The following INSYN2B variants were observed in gnomAD, a reference collection of about 807,000 sequenced individuals.
INSYN2B encodes inhibitory synaptic factor family member 2B, also known as protein INSYN2B.
Under a neutral mutation model 41.2 loss-of-function variants are expected in INSYN2B, and 16 were observed. The ratio of observed to expected loss-of-function variants is 0.39; its 90% confidence interval spans 0.26 to 0.59. INSYN2B has a LOEUF of 0.59. INSYN2B is among the 20% of genes least tolerant of loss of function. The pLI, the probability that INSYN2B is intolerant of heterozygous loss-of-function variation, is 0.57. For missense variants in INSYN2B, 608 were observed against 646.4 expected (o/e 0.94, Z 0.64); for synonymous variants, 245 against 244.4 (o/e 1.00, Z -0.02).
intron 1 of INSYN2B, among the ~76,000 whole-genome samples, chr5:169,885,105 A>G (rs1772897337): frequency 6.6e-6 from 1 of 152,144 alleles, no homozygotes; most frequent in South Asian, 2.1e-4. Flanking sequence ...CAGCCTTTAC[A>G]ATGTCTCCCT....
rs1298829108 is a variant in INSYN2B, at chr5:169,862,009, G to C, written c.*2264C>G. The stretch of plus-strand genomic sequence containing the variant: ...TCCCAGTTTTATTTAATTCAGTTAA[G>C]GGTTCATGTGAGGGCCTCAACTGGA... On this transcript the variant is annotated 3_prime_UTR_variant, in exon 4 of 4. Transcript: ENST00000377365. Among the ~76,000 whole-genome samples the C allele has an allele frequency of 2.0e-5, 3 of 151,362 alleles. No individual in the cohort carries two copies. Among genetic ancestry groups the C allele is most frequent in the Admixed American group, 6.6e-5 (1 of 15,152 alleles).
rs1374041202 is a variant in INSYN2B at position 169,863,052 on chromosome 5, A to G, written c.*1221T>C. Among the ~76,000 whole-genome samples, 1 of 152,246 alleles carries G rather than the reference A, an allele frequency of 6.6e-6. No individual in the cohort carries two copies. Among genetic ancestry groups the G allele is most frequent in the Non-Finnish European group, 1.5e-5 (1 of 68,040 alleles). On this transcript the variant is annotated 3_prime_UTR_variant, in exon 4 of 4. Coordinates refer to ENST00000377365, the MANE Select transcript of INSYN2B (RefSeq NM_001129891.3). Reference sequence around the variant, plus strand: ...CTACCCCTCATCCACAAGAGTATATAGCAATTACTTAATTATATTACTTTA... The same window carrying G: ...CTACCCCTCATCCACAAGAGTATATGGCAATTACTTAATTATATTACTTTA...
At chr5:169,903,006 G>A (rs1216637037) in intron 1 of INSYN2B, among the ~76,000 whole-genome samples, 1 of 152,086 alleles carries the variant, frequency 6.6e-6, no homozygotes. Context: ...GCTGAGGCAG[G>A]AGAATCGCTT....
intron 1 of INSYN2B, among the ~76,000 whole-genome samples, chr5:169,946,633 A>G (rs1331848749): frequency 1.3e-5 from 2 of 152,172 alleles, no homozygotes; most frequent in Non-Finnish European, 2.9e-5. Flanking sequence ...TGTATCAGCC[A>G]CTGTTTCAAG....
At chr5:169,913,923 A>G (rs1774741078) in intron 1 of INSYN2B, among the ~76,000 whole-genome samples, 1 of 152,236 alleles carries the variant, frequency 6.6e-6, no homozygotes, top group Non-Finnish European at 1.5e-5. Context: ...GATGATAAAG[A>G]AAATGAGATT....
At chr5:169,958,668 G>A (rs1776960852) in intron 1 of INSYN2B, among the ~76,000 whole-genome samples, 1 of 151,958 alleles carries the variant, frequency 6.6e-6, no homozygotes, top group Non-Finnish European at 1.5e-5. Flanking sequence ...TTGAGTGTTA[G>A]GCGTGGAGCT....
rs70979150 is a variant in INSYN2B, at chr5:169,961,978, C to CAAAAAA, written c.-919+18293_-919+18298dup. ...TGGGTGAAAAAGTGAGACTCTGTCC[C>CAAAAAA]AAAAAAAAAAAAAAAAATGGAGAAA... On this transcript the variant is annotated intron_variant, in intron 1 of 3. Transcript: ENST00000377365. Among the ~76,000 whole-genome samples, 15 of 74,636 alleles carry CAAAAAA rather than the reference C, an allele frequency of 2.0e-4. 2 individuals carry two copies. The highest frequency in any genetic ancestry group is 8.1e-4 in the African/African-American group (12 of 14,776). The allele number at this position is 74,636 out of a possible 152,430, so 49.0% of individuals were successfully genotyped here.
At chr5:169,910,920 C>T (rs567294792) in intron 1 of INSYN2B, among the ~76,000 whole-genome samples, 12 of 152,268 alleles carry the variant, frequency 7.9e-5, no homozygotes, top group Admixed American at 7.2e-4. Flanking sequence ...ACTATCCTCA[C>T]AAGGCACAAT....
At chr5:169,953,160 A>G (rs1776731642) in intron 1 of INSYN2B, among the ~76,000 whole-genome samples, 1 of 152,084 alleles carries the variant, frequency 6.6e-6, no homozygotes. Context: ...TGTCTCTACT[A>G]AAAATACAAA....
Position 169,971,067 on chromosome 5 carries a change from C to T in INSYN2B, c.-919+9210G>A, listed in dbSNP as rs1412941588. ...AATGATGACGGGGAGAGGGAGTCAG[C>T]AGGCAGCTAATGCGGACTGCAGAGG... On this transcript the variant is annotated intron_variant, in intron 1 of 3. Transcript: ENST00000377365. Among the ~76,000 whole-genome samples, 3 of 151,948 alleles carry T rather than the reference C, an allele frequency of 2.0e-5. No individual in the cohort carries two copies. The East Asian group carries it at 5.8e-4, about 29-fold the overall frequency.
chr5:169,866,396 A>C (rs1771559882), intron 3 of INSYN2B, among the ~76,000 whole-genome samples: 2 of 152,246 alleles, frequency 1.3e-5, no homozygotes, highest in Admixed American at 1.3e-4. Context: ...TCCCACTTCC[A>C]GGCTATGGTG....
Position 169,923,974 on chromosome 5 carries a change from G to A in INSYN2B, c.-918-39158C>T, listed in dbSNP as rs191333880. ...TAGAAACATTGCGGTTGGCAAAATG[G>A]AGCTGGATTAATAACGTTTATCATT... On this transcript the variant is annotated intron_variant, in intron 1 of 3. Transcript: ENST00000377365. 1.2e-4 allele frequency among the ~76,000 whole-genome samples: 18 copies of A among 152,334 alleles called. No individual in the cohort carries two copies. The East Asian group carries it at 3.5e-3, about 29-fold the overall frequency.
intron 1 of INSYN2B, among the ~76,000 whole-genome samples, chr5:169,892,717 C>T (rs1013181964): frequency 1.3e-5 from 2 of 152,174 alleles, no homozygotes; most frequent in African/African-American, 4.8e-5. Flanking sequence ...CCTTATCTTT[C>T]TTTTTTCAAA....
intron 1 of INSYN2B, among the ~76,000 whole-genome samples, chr5:169,950,113 G>A (rs1307541751): frequency 6.6e-6 from 1 of 152,130 alleles, no homozygotes; most frequent in Non-Finnish European, 1.5e-5. Context: ...AGATGGTGGT[G>A]GCCTTTCTCT....
intron 1 of INSYN2B, among the ~76,000 whole-genome samples, chr5:169,886,915 G>A (rs1773005101): frequency 6.6e-6 from 1 of 152,170 alleles, no homozygotes; most frequent in Non-Finnish European, 1.5e-5. Context: ...GCCAGGCATT[G>A]TGATTGGTAT....
At chr5:169,933,775 T>G (rs979633141) in intron 1 of INSYN2B, among the ~76,000 whole-genome samples, 1 of 152,080 alleles carries the variant, frequency 6.6e-6, no homozygotes, top group Non-Finnish European at 1.5e-5. Flanking sequence ...TTGCCTTCCC[T>G]TCTTGGATTT....
intron 1 of INSYN2B, among the ~76,000 whole-genome samples, chr5:169,893,759 AGG>A (rs1276468134): frequency 1.3e-5 from 2 of 152,204 alleles, no homozygotes; most frequent in African/African-American, 4.8e-5. Flanking sequence ...ATTTACTCAT[AGG>A]GTACAGAGTT....
Position 169,862,311 on chromosome 5 carries a change from T to C in INSYN2B, c.*1962A>G, listed in dbSNP as rs1295347100. On this transcript the variant is annotated 3_prime_UTR_variant, in exon 4 of 4. Transcript: ENST00000377365. ...GATCTCTTAATTCTGGGAACAGGGTTATTTACATTCTAGCATGATGCCCGA... is the reference window on the plus strand; with the variant it reads ...GATCTCTTAATTCTGGGAACAGGGTCATTTACATTCTAGCATGATGCCCGA... Among the ~76,000 whole-genome samples the C allele has an allele frequency of 6.6e-6, 1 of 152,268 alleles. No individual in the cohort carries two copies. The highest frequency in any genetic ancestry group is 1.5e-5 in the Non-Finnish European group (1 of 68,044).
chr5:169,889,297 T>C (rs58710061), intron 1 of INSYN2B, among the ~76,000 whole-genome samples: 5,303 of 152,306 alleles, frequency 0.035, 184 homozygotes, highest in African/African-American at 0.089. Flanking sequence ...CATGTCTGTT[T>C]TCTAGTCTAC....
Sources: gnomAD v4.1 joint callset for allele counts (sites outside exome capture counted in the v4.1 genomes callset) on GRCh38, gnomAD v4.1.1 for gene constraint, MANE v1.5 for transcripts, NCBI Gene and HGNC (gene_info 2026-07-23, HGNC 2026-07-21) for gene names.